Variants in TRPS1 observed in about 807,000 individuals in gnomAD.
TRPS1 encodes zinc finger transcription factor Trps1.
TRPS1 carries 6 observed loss-of-function variants against 101.2 expected under a neutral mutation model. The ratio of observed to expected loss-of-function variants is 0.06; its 90% confidence interval spans 0.03 to 0.12. The LOEUF is 0.12. Among genes scored for constraint, TRPS1 ranks in the 10% least tolerant of loss-of-function variants. The pLI, the probability that TRPS1 is intolerant of heterozygous loss-of-function variation, is 1.00. For missense variants in TRPS1, 1,363 were observed against 1,567.0 expected, an observed-to-expected ratio of 0.87 and a Z score of 2.20; for synonymous variants, 578 against 589.8, an observed-to-expected ratio of 0.98 and a Z score of 0.29.
chr8:115,516,844 T>C (rs1246553780), intron 5 of TRPS1, among the ~76,000 whole-genome samples: 2 of 151,584 alleles, frequency 1.3e-5, no homozygotes, highest in Non-Finnish European at 3.0e-5. Flanking sequence ...TTTTACTATA[T>C]AACACTATCA....
chr8:115,588,039 T>A (rs953923157), intron 4 of TRPS1, among the ~76,000 whole-genome samples: 10 of 152,256 alleles, frequency 6.6e-5, no homozygotes, highest in Non-Finnish European at 1.5e-4. Flanking sequence ...ATTCTTAAGT[T>A]TTCACACCTG....
At chr8:115,609,489 G>A (rs962085613) in intron 3 of TRPS1, among the ~76,000 whole-genome samples, 3 of 152,138 alleles carry the variant, frequency 2.0e-5, no homozygotes, top group Admixed American at 6.5e-5. Flanking sequence ...ATGAATGAAC[G>A]AAGGGAGATG....
chr8:115,535,206 ATG>A (rs1816261553), intron 5 of TRPS1, among the ~76,000 whole-genome samples: 5 of 146,816 alleles, frequency 3.4e-5, no homozygotes, highest in African/African-American at 1.3e-4. Flanking sequence ...TATATAGCAT[ATG>A]TATAGCATAT....
chr8:115,597,717 GCTTTA>G (rs572145922), intron 4 of TRPS1, among the ~76,000 whole-genome samples: 63 of 152,044 alleles, frequency 4.1e-4, no homozygotes, highest in African/African-American at 1.4e-3. Flanking sequence ...ATCACTTTTT[GCTTTA>G]CTTATTTGTA....
At chr8:115,513,470 T>G (rs915890823) in intron 5 of TRPS1, among the ~76,000 whole-genome samples, 1 of 151,724 alleles carries the variant, frequency 6.6e-6, no homozygotes, top group Non-Finnish European at 1.5e-5. Context: ...AGTGCCTTTT[T>G]GTGTGAGTTA....
Position 115,415,064 on chromosome 8 carries a change from GATGTTT to G in TRPS1, c.2838_2843del (p.Leu946_Ile948delinsPhe). On this transcript the variant is annotated inframe_deletion, in exon 7 of 7. Transcript: ENST00000395715. The stretch of plus-strand genomic sequence containing the variant: ...TCTGCTCACCGTTGTTTTGTTTAAT[GATGTTT>G]AAAGGCCTGGGAGTCTGCAGAGAAC... The G allele has an allele frequency of 6.3e-7, 1 of 1,596,254 alleles. No individual in the cohort carries two copies. Among genetic ancestry groups the G allele is most frequent in the South Asian group, 1.1e-5 (1 of 87,714 alleles).
chr8:115,584,167 A>G (rs1817514546), intron 5 of TRPS1, among the ~76,000 whole-genome samples: 1 of 152,066 alleles, frequency 6.6e-6, no homozygotes, highest in African/African-American at 2.4e-5. Flanking sequence ...ATTGAACTAT[A>G]TTAAATCAAC....
chr8:115,491,043 C>A (rs1464429472), intron 5 of TRPS1, among the ~76,000 whole-genome samples: 1 of 152,248 alleles, frequency 6.6e-6, no homozygotes, highest in East Asian at 1.9e-4. Flanking sequence ...CAATTTTGTA[C>A]TCAGGATGTC....
Position 115,620,063 on chromosome 8 carries a change from G to T in TRPS1, c.38-3C>A, listed in dbSNP as rs1179474491. 3 of 1,613,528 alleles carry T rather than the reference G, an allele frequency of 1.9e-6. No individual in the cohort carries two copies. The highest frequency in any genetic ancestry group is 2.5e-6 in the Non-Finnish European group (3 of 1,179,808). On this transcript the variant is annotated splice_region_variant and splice_polypyrimidine_tract_variant and intron_variant, in intron 2 of 6. Coordinates refer to ENST00000395715, the MANE Select transcript of TRPS1 (RefSeq NM_014112.5). ...GGGGTTCTTTTTCCGGACCATATCT[G>T]CAAAGATAAAGGGAAAAGGCAGATA...
At chr8:115,530,175 A>G (rs185375485) in intron 5 of TRPS1, among the ~76,000 whole-genome samples, 13 of 152,304 alleles carry the variant, frequency 8.5e-5, no homozygotes, top group African/African-American at 3.1e-4. Context: ...TTTTAATGTC[A>G]TGATAATATT....
chr8:115,424,318 C>A (rs903412094), intron 5 of TRPS1, among the ~76,000 whole-genome samples: 1 of 152,096 alleles, frequency 6.6e-6, no homozygotes, highest in Non-Finnish European at 1.5e-5. Context: ...TTCATGTTAG[C>A]GAAATGCATA....
At chr8:115,529,510 A>C (rs1816080023) in intron 5 of TRPS1, among the ~76,000 whole-genome samples, 1 of 152,146 alleles carries the variant, frequency 6.6e-6, no homozygotes, top group Non-Finnish European at 1.5e-5. Context: ...TTACATTAAC[A>C]AAAAAATGTG....
At chr8:115,560,700 G>A (rs1001303591) in intron 5 of TRPS1, among the ~76,000 whole-genome samples, 2 of 152,032 alleles carry the variant, frequency 1.3e-5, no homozygotes, top group Non-Finnish European at 2.9e-5. Flanking sequence ...CTGGATGAAT[G>A]GCCTGGAGTG....
At chr8:115,603,309 C>CA (rs1403441217) in intron 4 of TRPS1, among the ~76,000 whole-genome samples, 1 of 152,198 alleles carries the variant, frequency 6.6e-6, no homozygotes, top group Non-Finnish European at 1.5e-5. Context: ...AGCAAGTCTA[C>CA]ATCCAAAATC....
rs530380939 is a variant in TRPS1 at position 115,572,074 on chromosome 8, G to T, written c.2700+14927C>A. On this transcript the variant is annotated intron_variant, in intron 5 of 6. Coordinates refer to ENST00000395715, the MANE Select transcript of TRPS1 (RefSeq NM_014112.5). ...AAATACCCACCTTCTGTTCTAAAAC[G>T]TACTCTTCTTTTAGTTTAGCTGGTT... is the stretch of plus-strand genomic sequence containing the variant. Among the ~76,000 whole-genome samples the T allele has an allele frequency of 8.6e-5, 13 of 151,984 alleles. No homozygotes were observed. In the East Asian group the frequency reaches 2.5e-3, roughly 29 times the overall value.
At chr8:115,496,497 A>G (rs1033312996) in intron 5 of TRPS1, among the ~76,000 whole-genome samples, 3 of 152,222 alleles carry the variant, frequency 2.0e-5, no homozygotes, top group African/African-American at 7.2e-5. Flanking sequence ...GGCAGAAAGA[A>G]GGCATATGTG....
At chr8:115,518,547 T>C (rs1011375125) in intron 5 of TRPS1, among the ~76,000 whole-genome samples, 18 of 151,956 alleles carry the variant, frequency 1.2e-4, no homozygotes, top group African/African-American at 4.3e-4. Context: ...TCTACACAAA[T>C]ATTAATTTTT....
chr8:115,573,121 T>A (rs1268261200), intron 5 of TRPS1, among the ~76,000 whole-genome samples: 12 of 150,406 alleles, frequency 8.0e-5, no homozygotes, highest in African/African-American at 2.7e-4. Context: ...CGAAACTCCA[T>A]CTCAAAAGAA....
chr8:115,585,893 G>A (rs182110952), intron 5 of TRPS1, among the ~76,000 whole-genome samples: 1 of 152,228 alleles, frequency 6.6e-6, no homozygotes, highest in East Asian at 1.9e-4. Context: ...CACCTCTAAG[G>A]GGCGTTTTTC....
Sources: gnomAD v4.1 joint callset for allele counts (sites outside exome capture counted in the v4.1 genomes callset) on GRCh38, gnomAD v4.1.1 for gene constraint, MANE v1.5 for transcripts, NCBI Gene and HGNC (gene_info 2026-07-23, HGNC 2026-07-21) for gene names.